The following LRSAM1 variants were observed in gnomAD, a reference collection of about 807,000 sequenced individuals.
The protein encoded by LRSAM1 is E3 ubiquitin-protein ligase LRSAM1.
In LRSAM1, 96 loss-of-function variants were observed where a neutral mutation model predicts 118.1. The observed-to-expected ratio is 0.81, with a 90% CI of 0.69 to 0.96. The LOEUF is 0.96. LRSAM1 is among the 40% of genes least tolerant of loss of function. LRSAM1 has a pLI of 0.00. For missense variants in LRSAM1, 804 were observed against 915.5 expected (o/e 0.88, Z 1.57); for synonymous variants, 322 against 364.2 (o/e 0.88, Z 1.32).
rs185290397 is a variant in LRSAM1, at chr9:127,475,270, C to G, written c.750+1339C>G. Among the ~76,000 whole-genome samples, 116 of 152,194 alleles carry G rather than the reference C, an allele frequency of 7.6e-4. No homozygotes were observed. In the Middle Eastern group the frequency reaches 0.01, roughly 13 times the overall value. On this transcript the variant is annotated intron_variant, in intron 11 of 25. Transcript: ENST00000300417. ...TATTGGGAGGCCGAGGCTGGTGGATCACTTGAGGCCAGGAGTTTGAGACCA... is the reference window on the plus strand; with the variant it reads ...TATTGGGAGGCCGAGGCTGGTGGATGACTTGAGGCCAGGAGTTTGAGACCA...
In LRSAM1 at chr9:127,457,464, T is replaced by C. The variant is rs2243903; in HGVS notation, c.252+71T>C. 0.58 allele frequency: 848,599 copies of C among 1,451,642 alleles called. 250,167 individuals carry two copies. Among genetic ancestry groups the C allele is most frequent in the Admixed American group, 0.66 (36,372 of 55,508 alleles). The allele number at this position is 1,451,642 out of a possible 1,614,324, so 89.9% of individuals were successfully genotyped here. A position where few individuals can be genotyped will look rare whatever the true frequency, so the allele number is the denominator to read the frequency against. Reference sequence around the variant, plus strand: ...CACGCGGCAGCTGAGCGCCTGCTCCTTTTGGGCTGCCTCTTGCATGTCAGA... The same window carrying C: ...CACGCGGCAGCTGAGCGCCTGCTCCCTTTGGGCTGCCTCTTGCATGTCAGA... On this transcript the variant is annotated intron_variant, in intron 6 of 25. Coordinates refer to ENST00000300417, the MANE Select transcript of LRSAM1 (RefSeq NM_001005373.4).
In LRSAM1 at chr9:127,489,424, G is replaced by A; in HGVS notation, c.1348-20G>A. The A allele has an allele frequency of 2.5e-6, 4 of 1,599,830 alleles. No individual in the cohort carries two copies. The highest frequency in any genetic ancestry group is 3.4e-6 in the Non-Finnish European group (4 of 1,174,450). On this transcript the variant is annotated intron_variant, in intron 18 of 25. Coordinates refer to ENST00000300417, the MANE Select transcript of LRSAM1 (RefSeq NM_001005373.4). ...AGTGTGGGCACGGCCCCTGCTGAGGGCTGGTGGTCTGTGTTGCAGAGCGCG... is the reference window on the plus strand; with the variant it reads ...AGTGTGGGCACGGCCCCTGCTGAGGACTGGTGGTCTGTGTTGCAGAGCGCG...
At chr9:127,459,178 C>A in intron 7 of LRSAM1, 107 bp downstream of exon 7, 1 of 1,033,698 alleles carries the variant, frequency 9.7e-7, no homozygotes, top group Non-Finnish European at 1.5e-6. Flanking sequence ...AAGCAGGCTG[C>A]AATCAGTGCC....
At position 127,458,997 on chromosome 9, in the gene LRSAM1, C is replaced by G; in HGVS notation, c.253-6C>G. On this transcript the variant is annotated splice_region_variant and splice_polypyrimidine_tract_variant and intron_variant, in intron 6 of 25. Transcript: ENST00000300417. Reference sequence around the variant, plus strand: ...TTGGAGACTCACAGGGGTCTTTCTTCTGCAGGTTCTAGATCTCCACGATAA... The same window carrying G: ...TTGGAGACTCACAGGGGTCTTTCTTGTGCAGGTTCTAGATCTCCACGATAA... 1 of 1,613,618 alleles carries G rather than the reference C, an allele frequency of 6.2e-7. No individual in the cohort carries two copies. The highest frequency in any genetic ancestry group is 2.2e-5 in the East Asian group (1 of 44,872).
At chr9:127,501,699 T>C (rs1004219915) in intron 25 of LRSAM1, among the ~76,000 whole-genome samples, 1 of 152,126 alleles carries the variant, frequency 6.6e-6, no homozygotes, top group Non-Finnish European at 1.5e-5. Flanking sequence ...ACCACTGCAC[T>C]CCAGCCTGGC....
rs1239122923 is a variant in LRSAM1, at chr9:127,479,518, C to T, written c.903+13C>T. ...GACGGTCAAGGAGGTTTGTGAGCCGCCTGCTAGGGTCCAGCCTGGCTGCAT... is the reference window on the plus strand; with the variant it reads ...GACGGTCAAGGAGGTTTGTGAGCCGTCTGCTAGGGTCCAGCCTGGCTGCAT... On this transcript the variant is annotated intron_variant, in intron 13 of 25. Coordinates refer to ENST00000300417, the MANE Select transcript of LRSAM1 (RefSeq NM_001005373.4). 5 of 1,613,392 alleles carry T rather than the reference C, an allele frequency of 3.1e-6. No homozygotes were observed. Among genetic ancestry groups the T allele is most frequent in the Middle Eastern group, 1.7e-4 (1 of 5,864 alleles).
chr9:127,478,539 C>T (rs779139423), intron 11 of LRSAM1, among the ~76,000 whole-genome samples: 6 of 152,238 alleles, frequency 3.9e-5, no homozygotes, highest in Non-Finnish European at 7.3e-5. Flanking sequence ...TGTACCCACA[C>T]CTTTGTGCAC....
chr9:127,462,433 C>T, intron 9 of LRSAM1, 60 bp downstream of exon 9: 2 of 1,611,538 alleles, frequency 1.2e-6, no homozygotes, highest in Non-Finnish European at 1.7e-6. Flanking sequence ...CCCCTCTCTC[C>T]CACATTACTG....
chr9:127,491,143 A>G, intron 19 of LRSAM1, 72 bp from the exon 20 acceptor site: 1 of 1,314,008 alleles, frequency 7.6e-7, no homozygotes, highest in African/African-American at 1.4e-5. Flanking sequence ...CTTGGTCACC[A>G]GAGAGTAGCA....
chr9:127,492,309 G>A (rs112370760), intron 20 of LRSAM1, among the ~76,000 whole-genome samples: 10 of 152,340 alleles, frequency 6.6e-5, no homozygotes, highest in East Asian at 1.9e-4. Flanking sequence ...GAGAAGCTGC[G>A]GTCATCATGC....
intron 22 of LRSAM1, 57 bp from the exon 23 acceptor site, chr9:127,495,907 G>A (rs1836116857): frequency 7.5e-6 from 12 of 1,602,168 alleles, no homozygotes; most frequent in Non-Finnish European, 1.0e-5. Flanking sequence ...ATTTCCTGTT[G>A]TAAACAGTGG....
At chr9:127,458,659 ACACTGT>A (rs1400954600) in intron 6 of LRSAM1, among the ~76,000 whole-genome samples, 5 of 152,242 alleles carry the variant, frequency 3.3e-5, no homozygotes, top group Admixed American at 3.3e-4. Flanking sequence ...CTATAATTTT[ACACTGT>A]GGAGTACCAC....
rs1461470975 is a variant in LRSAM1 at position 127,499,284 on chromosome 9, G to A, written c.1913-1726G>A. ...AGCTACTCGGGGGGCAAAGGTGGGA[G>A]GATCGCTTGAGCTTGGGAGGTCGAG... On this transcript the variant is annotated intron_variant, in intron 24 of 25. Transcript: ENST00000300417. Among the ~76,000 whole-genome samples the A allele has an allele frequency of 2.6e-5, 4 of 152,224 alleles. No individual in the cohort carries two copies. The East Asian group carries it at 7.7e-4, about 29-fold the overall frequency.
chr9:127,452,262 AG>A, intron 2 of LRSAM1, 178 bp downstream of exon 2: 1 of 152,570 alleles, frequency 6.6e-6, no homozygotes, highest in Non-Finnish European at 1.5e-5. Flanking sequence ...CACATCAGGA[AG>A]GGGGTGCAAG....
rs1275314631 is a variant in LRSAM1, at chr9:127,489,391, C to T, written c.1348-53C>T. On this transcript the variant is annotated intron_variant, in intron 18 of 25. Coordinates refer to ENST00000300417, the MANE Select transcript of LRSAM1 (RefSeq NM_001005373.4). The stretch of plus-strand genomic sequence containing the variant: ...TTTGCTTTTCACAGGGATGGGGCTG[C>T]AGGGAAAAGTGTGGGCACGGCCCCT... 4 of 1,567,448 alleles carry T rather than the reference C, an allele frequency of 2.6e-6. No homozygotes were observed. In the South Asian group the frequency reaches 3.5e-5, roughly 14 times the overall value.
intron 17 of LRSAM1, chr9:127,486,538 G>C (rs898701390): frequency 1.3e-5 from 2 of 157,522 alleles, no homozygotes; most frequent in African/African-American, 2.4e-5. Flanking sequence ...ACCCTCCAGG[G>C]CGCCTGGACT....
chr9:127,488,586 TTTCTTTTC>T (rs1014648747), intron 18 of LRSAM1, among the ~76,000 whole-genome samples: 5 of 131,722 alleles, frequency 3.8e-5, no homozygotes, highest in Non-Finnish European at 8.1e-5. Flanking sequence ...TTTTCCTTTT[TTTCTTTTC>T]TTTTCTTTTT....
intron 10 of LRSAM1, among the ~76,000 whole-genome samples, chr9:127,473,582 C>T (rs1353743056): frequency 1.3e-5 from 2 of 152,188 alleles, no homozygotes; most frequent in East Asian, 3.9e-4. Context: ...AAGGGGTAGC[C>T]AGTACCCATT....
chr9:127,456,387 C>T (rs1030717370), intron 5 of LRSAM1, among the ~76,000 whole-genome samples: 1 of 139,846 alleles, frequency 7.2e-6, no homozygotes, highest in East Asian at 2.0e-4. Context: ...GCGCCCACCA[C>T]CATGCCCAAC....
Sources: gnomAD v4.1 joint callset for allele counts (sites outside exome capture counted in the v4.1 genomes callset) on GRCh38, gnomAD v4.1.1 for gene constraint, MANE v1.5 for transcripts, NCBI Gene and HGNC (gene_info 2026-07-23, HGNC 2026-07-21) for gene names.